INTU: variants seen among roughly 807,000 people sequenced by gnomAD.
The protein encoded by INTU is protein inturned.
Under a neutral mutation model 100.5 loss-of-function variants are expected in INTU, and 68 were observed. The ratio of observed to expected loss-of-function variants is 0.68; its 90% CI spans 0.56 to 0.83. The LOEUF (loss-of-function observed/expected upper bound fraction) is 0.83, where lower values mean the gene tolerates loss of function less well. INTU is among the 40% of genes least tolerant of loss of function. The pLI, the probability that INTU is intolerant of heterozygous loss-of-function variation, is 0.00. For synonymous variants in INTU, 357 were observed against 395.7 expected (o/e 0.90, Z 1.16); for missense variants, 1,071 against 1,114.7 (o/e 0.96, Z 0.56).
At position 127,663,526 on chromosome 4, in the gene INTU, C is replaced by G. The variant is rs1434612150; in HGVS notation, c.914C>G (p.Thr305Ser). Residue 305 changes from threonine to serine, a missense_variant, in exon 4 of 16, where the codon ACT becomes AGT. Transcript: ENST00000335251. ...GGTATCCAGCAGAGTGGCCTAAACACTCCTCATATCATTATGTATCTCACA... is the reference window on the plus strand; with the variant it reads ...GGTATCCAGCAGAGTGGCCTAAACAGTCCTCATATCATTATGTATCTCACA... ...VEGIQQSGLN[T>S]PHIIMYLTLQ... The G allele has an allele frequency of 6.2e-7, 1 of 1,613,358 alleles. No homozygotes were observed. The highest frequency in any genetic ancestry group is 8.5e-7 in the Non-Finnish European group (1 of 1,179,582).
chr4:127,703,468 TC>T (rs1178909185), intron 9 of INTU, among the ~76,000 whole-genome samples: 1 of 152,172 alleles, frequency 6.6e-6, no homozygotes, highest in Non-Finnish European at 1.5e-5. Flanking sequence ...ATACATACAT[TC>T]CCACACACAA....
intron 2 of INTU, among the ~76,000 whole-genome samples, chr4:127,653,058 G>A (rs1476544762): frequency 6.6e-6 from 1 of 151,694 alleles, no homozygotes; most frequent in South Asian, 2.1e-4. Flanking sequence ...CTGTGGAATC[G>A]GTGGTGATAT....
In INTU at chr4:127,720,865, C is replaced by T. The variant is rs1285908418; in HGVS notation, c.*4429C>T. On this transcript the variant is annotated 3_prime_UTR_variant, in exon 16 of 16. Coordinates refer to ENST00000335251, the MANE Select transcript of INTU (RefSeq NM_015693.4). ...CCTTTTATTTTGAGTCTATGTGTGTCCTTGCATGTGAGATGGGTCTCTTGA... is the reference window on the plus strand; with the variant it reads ...CCTTTTATTTTGAGTCTATGTGTGTTCTTGCATGTGAGATGGGTCTCTTGA... The T allele has an allele frequency of 1.3e-5, 2 of 151,876 alleles. No homozygotes were observed. Among genetic ancestry groups the T allele is most frequent in the African/African-American group, 4.8e-5 (2 of 41,342 alleles). The allele number at this position is 151,876 out of a possible 1,614,324, so 9.4% of individuals were successfully genotyped here.
At chr4:127,640,932 A>G (rs1727303019) in intron 1 of INTU, among the ~76,000 whole-genome samples, 1 of 152,046 alleles carries the variant, frequency 6.6e-6, no homozygotes, top group Admixed American at 6.6e-5. Context: ...CCCATGTATT[A>G]CAATGAGTCT....
chr4:127,677,344 G>T (rs1335584788), intron 6 of INTU, among the ~76,000 whole-genome samples: 49 of 151,244 alleles, frequency 3.2e-4, no homozygotes, highest in Admixed American at 2.6e-4. Flanking sequence ...TAACTGGGAG[G>T]CACCCCCCAG....
intron 3 of INTU, 78 bp downstream of exon 3, chr4:127,656,799 T>C (rs1728250644): frequency 1.1e-5 from 10 of 885,778 alleles, no homozygotes; most frequent in Non-Finnish European, 1.7e-5. Flanking sequence ...ATTTTCCTTT[T>C]TAAGCGTCTG....
At chr4:127,694,101 G>C (rs1424793851) in intron 8 of INTU, among the ~76,000 whole-genome samples, 1 of 152,038 alleles carries the variant, frequency 6.6e-6, no homozygotes, top group African/African-American at 2.4e-5. Context: ...GGTTTAGGAA[G>C]GATCCCTCTT....
chr4:127,666,207 C>G (rs73847035), intron 4 of INTU, among the ~76,000 whole-genome samples: 2,657 of 152,178 alleles, frequency 0.017, 68 homozygotes, highest in African/African-American at 0.06. Context: ...TATCCCCGAT[C>G]GTCTCTTGTT....
intron 14 of INTU, among the ~76,000 whole-genome samples, chr4:127,713,646 T>C (rs1731165925): frequency 6.6e-6 from 1 of 152,138 alleles, no homozygotes; most frequent in South Asian, 2.1e-4. Context: ...TATCTTCCAC[T>C]GTGGAAGACA....
At position 127,679,876 on chromosome 4, in the gene INTU, AAG is replaced by A. The variant is rs993921565; in HGVS notation, c.1182-4527_1182-4526del. Among the ~76,000 whole-genome samples the A allele has an allele frequency of 3.9e-5, 6 of 152,166 alleles. No homozygotes were observed. In the East Asian group the frequency reaches 1.2e-3, roughly 29 times the overall value. ...CACTAGCAAGACTAATAAAGAATAA[AAG>A]AGAGAAGAATCAAATAGACGCAATA... On this transcript the variant is annotated intron_variant, in intron 6 of 15. Transcript: ENST00000335251.
chr4:127,703,266 T>G (rs1052389659), intron 9 of INTU, among the ~76,000 whole-genome samples: 2 of 152,174 alleles, frequency 1.3e-5, no homozygotes, highest in Non-Finnish European at 2.9e-5. Context: ...TTTCCAGTTT[T>G]TAGTTTTCTT....
chr4:127,650,169 A>T (rs1727776937), intron 2 of INTU, among the ~76,000 whole-genome samples: 1 of 152,188 alleles, frequency 6.6e-6, no homozygotes, highest in Admixed American at 6.5e-5. Flanking sequence ...ATGATATGCC[A>T]CATGGATTTA....
At position 127,717,038 on chromosome 4, in the gene INTU, G is replaced by C. The variant is rs562256121; in HGVS notation, c.*602G>C. 1 of 152,216 alleles carries C rather than the reference G, an allele frequency of 6.6e-6. No homozygotes were observed. Among genetic ancestry groups the C allele is most frequent in the South Asian group, 2.1e-4 (1 of 4,812 alleles). 9.4% of individuals were successfully genotyped at this position (152,216 alleles called of 1,614,324 possible). On this transcript the variant is annotated 3_prime_UTR_variant, in exon 16 of 16. Transcript: ENST00000335251. ...TGGGGTACATGTGCAGGATGTGCAG[G>C]TTCGTTACATAGGTAAACATGTGCC...
rs980159232 is a variant in INTU at position 127,723,558 on chromosome 4, C to G, written c.*7122C>G. 4 of 151,824 alleles carry G rather than the reference C, an allele frequency of 2.6e-5. No individual in the cohort carries two copies. The East Asian group carries it at 7.7e-4, about 29-fold the overall frequency. 9.4% of individuals were successfully genotyped at this position (151,824 alleles called of 1,614,324 possible). ...AAACTTACTTTTTATTTATTTGATT[C>G]TCTTTAAGTTTCAGGTAAGCTCAAT... On this transcript the variant is annotated 3_prime_UTR_variant, in exon 16 of 16. Transcript: ENST00000335251.
At chr4:127,655,501 C>A (rs1208556449) in intron 2 of INTU, among the ~76,000 whole-genome samples, 1 of 151,102 alleles carries the variant, frequency 6.6e-6, no homozygotes, top group Non-Finnish European at 1.5e-5. Context: ...GTCAGTGTTC[C>A]CCTGCTGGGG....
intron 13 of INTU, among the ~76,000 whole-genome samples, chr4:127,708,913 C>T (rs1386541662): frequency 3.9e-5 from 6 of 152,268 alleles, no homozygotes; most frequent in Admixed American, 6.5e-5. Context: ...TTTATCTCTC[C>T]ACAGGTAACC....
intron 1 of INTU, among the ~76,000 whole-genome samples, chr4:127,640,987 G>A (rs565716808): frequency 6.8e-6 from 1 of 147,960 alleles, no homozygotes; most frequent in East Asian, 2.0e-4. Context: ...ATAGTCACCA[G>A]CTAGAAATCT....
At chr4:127,669,616 T>A (rs1648979434) in intron 5 of INTU, among the ~76,000 whole-genome samples, 1 of 151,812 alleles carries the variant, frequency 6.6e-6, no homozygotes, top group South Asian at 2.1e-4. Context: ...CGAAAATTGG[T>A]CATATAGTTA....
At chr4:127,666,301 T>A (rs13134485) in intron 4 of INTU, among the ~76,000 whole-genome samples, 2,652 of 152,260 alleles carry the variant, frequency 0.017, 65 homozygotes, top group African/African-American at 0.06. Flanking sequence ...TAGTCCTAAG[T>A]GGATTCTCAC....
Sources: gnomAD v4.1 joint callset for allele counts (sites outside exome capture counted in the v4.1 genomes callset) on GRCh38, gnomAD v4.1.1 for gene constraint, MANE v1.5 for transcripts, NCBI Gene and HGNC (gene_info 2026-07-23, HGNC 2026-07-21) for gene names.